The following RIMS1 variants were observed in gnomAD, a reference collection of about 807,000 sequenced individuals.
RIMS1 encodes regulating synaptic membrane exocytosis 1.
Under a neutral mutation model 214.1 loss-of-function variants are expected in RIMS1, and 83 were observed. The ratio of observed to expected loss-of-function variants is 0.39; its 90% confidence interval spans 0.32 to 0.47. The LOEUF (loss-of-function observed/expected upper bound fraction) is 0.47. RIMS1 is among the 20% of genes least tolerant of loss of function. The probability of loss-of-function intolerance (pLI) is 0.99; values close to 1 mark genes in which losing one functional copy is unlikely to be tolerated. For synonymous variants in RIMS1, 793 were observed against 786.8 expected (o/e 1.01, Z -0.13); for missense variants, 2,050 against 2,161.8 (o/e 0.95, Z 1.03).
intron 4 of RIMS1, among the ~76,000 whole-genome samples, chr6:72,118,448 A>C (rs1368374420): frequency 1.3e-5 from 2 of 151,704 alleles, no homozygotes; most frequent in East Asian, 3.8e-4. Flanking sequence ...AGATATAGAA[A>C]GATGGAATCC....
At chr6:72,076,994 C>A (rs966848455) in intron 2 of RIMS1, among the ~76,000 whole-genome samples, 1 of 152,186 alleles carries the variant, frequency 6.6e-6, no homozygotes, top group African/African-American at 2.4e-5. Context: ...TTCTCAAGGC[C>A]TTCTTGACTT....
At chr6:72,379,436 G>A (rs564094304) in intron 29 of RIMS1, among the ~76,000 whole-genome samples, 1 of 152,202 alleles carries the variant, frequency 6.6e-6, no homozygotes, top group African/African-American at 2.4e-5. Context: ...TAAAACAAAT[G>A]GTGAGAATGA....
intron 2 of RIMS1, among the ~76,000 whole-genome samples, chr6:71,990,332 T>C (rs1801217412): frequency 6.6e-6 from 1 of 152,162 alleles, no homozygotes; most frequent in East Asian, 1.9e-4. Flanking sequence ...CTTCACTCAC[T>C]ACAGGGTTAC....
At chr6:72,033,683 C>CG (rs1210097031) in intron 2 of RIMS1, among the ~76,000 whole-genome samples, 1 of 151,920 alleles carries the variant, frequency 6.6e-6, no homozygotes, top group Non-Finnish European at 1.5e-5. Context: ...GGTTTCACCA[C>CG]GTTGGCCAGA....
chr6:71,998,334 A>C (rs574984070), intron 2 of RIMS1, among the ~76,000 whole-genome samples: 1 of 152,226 alleles, frequency 6.6e-6, no homozygotes, highest in South Asian at 2.1e-4. Context: ...TTTGTTCAGA[A>C]GGAGCTTTCC....
chr6:72,331,321 GTTAA>G (rs1304856822), intron 28 of RIMS1, among the ~76,000 whole-genome samples: 2 of 151,722 alleles, frequency 1.3e-5, no homozygotes, highest in African/African-American at 4.8e-5. Flanking sequence ...AAGGGTACAT[GTTAA>G]TTAATTCATA....
intron 2 of RIMS1, among the ~76,000 whole-genome samples, chr6:72,057,238 G>A (rs1330158449): frequency 6.6e-6 from 1 of 152,166 alleles, no homozygotes; most frequent in African/African-American, 2.4e-5. Context: ...TTGTTGCTGA[G>A]ATAACATTGT....
At chr6:72,087,462 T>A (rs1471930855) in intron 2 of RIMS1, among the ~76,000 whole-genome samples, 6 of 152,220 alleles carry the variant, frequency 3.9e-5, no homozygotes, top group African/African-American at 1.4e-4. Context: ...ATGAGAGGAA[T>A]GAGCAAGAAC....
intron 1 of RIMS1, among the ~76,000 whole-genome samples, chr6:71,960,606 A>G (rs1399448269): frequency 6.6e-6 from 1 of 152,070 alleles, no homozygotes; most frequent in African/African-American, 2.4e-5. Context: ...TATGTTTCCT[A>G]CCTTGCTGGA....
chr6:72,324,878 G>A (rs2096379797), intron 28 of RIMS1, among the ~76,000 whole-genome samples: 1 of 151,794 alleles, frequency 6.6e-6, no homozygotes, highest in Non-Finnish European at 1.5e-5. Flanking sequence ...GAGTCAGTAT[G>A]AAATATTTAC....
At chr6:72,025,280 G>T (rs1816080651) in intron 2 of RIMS1, among the ~76,000 whole-genome samples, 1 of 152,016 alleles carries the variant, frequency 6.6e-6, no homozygotes. Flanking sequence ...CTTTGAGTTT[G>T]GTTTTTCCCC....
At chr6:71,911,159 G>C (rs1279971331) in intron 1 of RIMS1, among the ~76,000 whole-genome samples, 1 of 152,144 alleles carries the variant, frequency 6.6e-6, no homozygotes, top group Non-Finnish European at 1.5e-5. Context: ...GAATTATGCA[G>C]TTCTGTTGAG....
intron 2 of RIMS1, among the ~76,000 whole-genome samples, chr6:72,020,780 A>G (rs1426273090): frequency 6.6e-6 from 1 of 152,206 alleles, no homozygotes; most frequent in Non-Finnish European, 1.5e-5. Context: ...CAAGTTGGAG[A>G]ACATGGCTTA....
At chr6:72,035,618 T>G (rs1016868469) in intron 2 of RIMS1, among the ~76,000 whole-genome samples, 3 of 152,192 alleles carry the variant, frequency 2.0e-5, no homozygotes, top group Admixed American at 2.0e-4. Flanking sequence ...TATTTGAATT[T>G]GTGTGTTTAT....
chr6:72,353,366 T>C (rs1458841697), intron 29 of RIMS1, among the ~76,000 whole-genome samples: 4 of 152,148 alleles, frequency 2.6e-5, no homozygotes, highest in Non-Finnish European at 5.9e-5. Flanking sequence ...ACTGACAATG[T>C]AATTTGAGAG....
Position 72,182,680 on chromosome 6 carries a change from G to A in RIMS1, c.1209G>A (p.Ala403=), listed in dbSNP as rs114505309. 0.35 allele frequency: 506,193 copies of A among 1,445,990 alleles called. 91,885 individuals are homozygous for A. The highest frequency in any genetic ancestry group is 0.37 in the Non-Finnish European group (411,557 of 1,106,824). 89.6% of individuals were successfully genotyped at this position (1,445,990 alleles called of 1,614,324 possible). The change falls in exon 6 of 34, where the codon GCG becomes GCA. Residue 403 remains alanine (A), a synonymous_variant. Coordinates refer to ENST00000521978, the MANE Select transcript of RIMS1 (RefSeq NM_014989.7). The stretch of plus-strand genomic sequence containing the variant: ...TCCCGCGCACCGAGGCGGGCGCGGC[G>A]CTGCCGGAGGGCAAGGCCGGCAAAC... ...VALPRTEAGA[A]LPEGKAGKRA...
chr6:72,377,504 G>A (rs781151081), intron 29 of RIMS1, among the ~76,000 whole-genome samples: 3 of 152,104 alleles, frequency 2.0e-5, no homozygotes, highest in Admixed American at 2.0e-4. Flanking sequence ...GACAGGGAAG[G>A]CTATATGCTA....
In RIMS1 at chr6:72,013,325, T is replaced by C. The variant is rs569386380; in HGVS notation, c.245+44262T>C. 2.0e-5 allele frequency among the ~76,000 whole-genome samples: 3 copies of C among 152,328 alleles called. No homozygotes were observed. The South Asian group carries it at 6.2e-4, about 32-fold the overall frequency. ...GTCATAATAAGTACAGGATTTATAA[T>C]TGAGAATGTTTTACTCTAATTCTGA... On this transcript the variant is annotated intron_variant, in intron 2 of 33. Coordinates refer to ENST00000521978, the MANE Select transcript of RIMS1 (RefSeq NM_014989.7).
chr6:71,888,977 T>C (rs73536323), intron 1 of RIMS1, among the ~76,000 whole-genome samples: 1,894 of 152,340 alleles, frequency 0.012, 35 homozygotes, highest in African/African-American at 0.043. Flanking sequence ...GCTGTCTGTC[T>C]GTCTGGTTGT....
Sources: gnomAD v4.1 joint callset for allele counts (sites outside exome capture counted in the v4.1 genomes callset) on GRCh38, gnomAD v4.1.1 for gene constraint, MANE v1.5 for transcripts, NCBI Gene and HGNC (gene_info 2026-07-23, HGNC 2026-07-21) for gene names.